GPHN: variants seen among roughly 807,000 people sequenced by gnomAD.
GPHN encodes the protein gephyrin.
Under a neutral mutation model 95.5 loss-of-function variants are expected in GPHN, and 17 were observed. The ratio of observed to expected loss-of-function variants is 0.18; its 90% CI spans 0.12 to 0.27. GPHN has a LOEUF of 0.27. Ranked by LOEUF, GPHN falls within the 10% of genes least tolerant of loss-of-function variation. GPHN has a pLI of 1.00. For missense variants in GPHN, 660 were observed against 978.1 expected (o/e 0.67, Z 4.34); for synonymous variants, 320 against 322.5 (o/e 0.99, Z 0.08).
chr14:67,456,442 A>T, the GPHN span, among the ~76,000 whole-genome samples: 2 of 152,070 alleles, frequency 1.3e-5, no homozygotes, highest in Non-Finnish European at 2.9e-5. Context: ...CTCTACTAAA[A>T]ATACAAAAAA....
chr14:67,349,613 T>C, the GPHN span, among the ~76,000 whole-genome samples: 24 of 152,152 alleles, frequency 1.6e-4, no homozygotes, highest in African/African-American at 4.6e-4. Context: ...GGCAGGAGGA[T>C]TGTTTGAGGC....
the GPHN span, among the ~76,000 whole-genome samples, chr14:67,639,538 T>G: frequency 6.6e-6 from 1 of 152,136 alleles, no homozygotes; most frequent in Non-Finnish European, 1.5e-5. Flanking sequence ...TTACATCTAG[T>G]AAGAACCTAA....
At chr14:67,448,800 G>A in the GPHN span, among the ~76,000 whole-genome samples, 5 of 152,280 alleles carry the variant, frequency 3.3e-5, no homozygotes, top group East Asian at 5.8e-4. Flanking sequence ...AGAGGGAGTA[G>A]GGCAATGAGG....
the GPHN span, chr14:67,559,630 C>G: frequency 1.2e-6 from 2 of 1,602,014 alleles, no homozygotes; most frequent in Non-Finnish European, 1.7e-6. Flanking sequence ...GCAGAGGAAG[C>G]AAAAACTGTT....
chr14:66,531,837 G>A (rs889649903), intron 1 of GPHN, among the ~76,000 whole-genome samples: 1 of 152,294 alleles, frequency 6.6e-6, no homozygotes, highest in African/African-American at 2.4e-5. Flanking sequence ...GCCAAGTACT[G>A]TATGACAGGG....
intron 9 of GPHN, among the ~76,000 whole-genome samples, chr14:67,018,847 A>T (rs749198703): frequency 6.6e-6 from 1 of 151,204 alleles, no homozygotes; most frequent in Non-Finnish European, 1.5e-5. Context: ...TTCTGTGAGG[A>T]AACTGAGATT....
chr14:66,837,165 T>A (rs573234292), intron 4 of GPHN, among the ~76,000 whole-genome samples: 6 of 151,528 alleles, frequency 4.0e-5, no homozygotes, highest in Admixed American at 3.3e-4. Flanking sequence ...TACGGCATTA[T>A]TCACAATAGC....
At chr14:66,681,927 G>C (rs1239825255) in intron 2 of GPHN, among the ~76,000 whole-genome samples, 1 of 152,098 alleles carries the variant, frequency 6.6e-6, no homozygotes. Context: ...CTTCTATAAT[G>C]ATACATATAA....
the GPHN span, chr14:67,674,835 T>G: frequency 5.4e-6 from 1 of 185,040 alleles, no homozygotes; most frequent in Non-Finnish European, 1.1e-5. Flanking sequence ...GAAAGGGGCC[T>G]AGGGGACCTG....
the GPHN span, among the ~76,000 whole-genome samples, chr14:67,295,352 T>C: frequency 6.6e-6 from 1 of 151,874 alleles, no homozygotes; most frequent in Non-Finnish European, 1.5e-5. Context: ...TAGCTGGCTG[T>C]AGTGGTGTAC....
chr14:66,974,288 A>G (rs2070045391), intron 9 of GPHN, among the ~76,000 whole-genome samples: 1 of 152,120 alleles, frequency 6.6e-6, no homozygotes, highest in Non-Finnish European at 1.5e-5. Context: ...ACTTATTTTC[A>G]ATAGTTTTCC....
At chr14:67,268,260 G>A in the GPHN span, among the ~76,000 whole-genome samples, 1 of 152,116 alleles carries the variant, frequency 6.6e-6, no homozygotes, top group African/African-American at 2.4e-5. Context: ...TTTCTTGTTT[G>A]TAGTGTTATT....
At chr14:67,541,699 A>ATTCTCTTCCCCAGCCCTGTT in the GPHN span, 2 of 573,164 alleles carry the variant, frequency 3.5e-6, no homozygotes, top group South Asian at 2.5e-5. Flanking sequence ...TCAGTGACCA[A>ATTCTCTTCCCCAGCCCTGTT]TTCTCTTCCC....
chr14:66,960,473 T>TA (rs1349701515), intron 8 of GPHN, among the ~76,000 whole-genome samples: 1 of 152,136 alleles, frequency 6.6e-6, no homozygotes, highest in Non-Finnish European at 1.5e-5. Context: ...TTTTTTGAAA[T>TA]ACTTTTTTCA....
chr14:67,458,824 C>T, the GPHN span, among the ~76,000 whole-genome samples: 1 of 152,184 alleles, frequency 6.6e-6, no homozygotes, highest in African/African-American at 2.4e-5. Flanking sequence ...TGGGCTCAAG[C>T]CTCCCACCTC....
At chr14:67,497,971 T>A in the GPHN span, among the ~76,000 whole-genome samples, 60,013 of 151,862 alleles carry the variant, frequency 0.4, 13,489 homozygotes, top group South Asian at 0.54. Flanking sequence ...CAGAAACCAA[T>A]ACCTCAAGGT....
chr14:67,724,453 C>A, the GPHN span: 1 of 1,456,182 alleles, frequency 6.9e-7, no homozygotes, highest in South Asian at 1.1e-5. Flanking sequence ...ACGTGATGCT[C>A]TTGTTTCCCT....
At chr14:67,095,492 T>C (rs946016035) in intron 12 of GPHN, among the ~76,000 whole-genome samples, 1 of 152,134 alleles carries the variant, frequency 6.6e-6, no homozygotes, top group Non-Finnish European at 1.5e-5. Context: ...ATGTTTATTG[T>C]GGCACTATTC....
the GPHN span, chr14:67,656,577 A>G: frequency 6.2e-7 from 1 of 1,601,210 alleles, no homozygotes; most frequent in East Asian, 2.2e-5. Flanking sequence ...GCCCTTTGAG[A>G]CTGTAGCCGA....
Sources: gnomAD v4.1 joint callset for allele counts (sites outside exome capture counted in the v4.1 genomes callset) on GRCh38, gnomAD v4.1.1 for gene constraint, MANE v1.5 for transcripts, NCBI Gene and HGNC (gene_info 2026-07-23, HGNC 2026-07-21) for gene names.